ZNF705G: variants seen among roughly 807,000 people sequenced by gnomAD.
ZNF705G encodes zinc finger protein 705G.
Under a neutral mutation model 19.6 loss-of-function variants are expected in ZNF705G, and 23 were observed. The ratio of observed to expected loss-of-function variants is 1.17; its 90% confidence interval spans 0.84 to 1.66. The LOEUF (loss-of-function observed/expected upper bound fraction) is 1.66, where lower values mean the gene tolerates loss of function less well. ZNF705G is among the 40% of genes most tolerant of loss of function. ZNF705G has a pLI of 0.00. For synonymous variants in ZNF705G, 146 were observed against 117.7 expected (o/e 1.24, Z -1.56); for missense variants, 457 against 354.4 (o/e 1.29, Z -2.32).
intron 2 of ZNF705G, among the ~76,000 whole-genome samples, chr8:7,368,007 G>A (rs1806937881): frequency 6.7e-6 from 1 of 149,634 alleles, no homozygotes. Context: ...CCACAAGCAA[G>A]CAGCAAGACT....
Position 7,369,973 on chromosome 8 carries a change from T to TCCAAG in ZNF705G, c.-71-6957_-71-6956insCTTGG, listed in dbSNP as rs755705260. Among the ~76,000 whole-genome samples the TCCAAG allele has an allele frequency of 5.7e-4, 85 of 149,312 alleles. 4 individuals carry two copies. The highest frequency in any genetic ancestry group is 2.7e-3 in the East Asian group (14 of 5,168). ...ATCTGGGTTACAAGATCATTCATACTCCTCAGCATCACACAATGTGCCAGT... is the reference window on the plus strand; with the variant it reads ...ATCTGGGTTACAAGATCATTCATACTCCAAGCCTCAGCATCACACAATGTGCCAGT... On this transcript the variant is annotated intron_variant, in intron 2 of 6. Coordinates refer to ENST00000400156, the MANE Select transcript of ZNF705G (RefSeq NM_001164457.3).
At chr8:7,364,936 C>A (rs1806789555) in intron 2 of ZNF705G, among the ~76,000 whole-genome samples, 3 of 149,518 alleles carry the variant, frequency 2.0e-5, no homozygotes, top group Admixed American at 2.0e-4. Context: ...AGCTGTAACC[C>A]TTAATATTAT....
chr8:7,368,633 T>A (rs1400870869), intron 2 of ZNF705G, among the ~76,000 whole-genome samples: 1 of 149,816 alleles, frequency 6.7e-6, no homozygotes, highest in Admixed American at 6.6e-5. Context: ...AAGCAGATGC[T>A]AATAGAAGAA....
chr8:7,383,705 C>T lies in ZNF705G; in HGVS notation c.-222+1793G>A, dbSNP rs1294204216. Among the ~76,000 whole-genome samples the T allele has an allele frequency of 4.0e-5, 6 of 149,442 alleles. 1 individual carries two copies. The highest frequency in any genetic ancestry group is 2.1e-4 in the South Asian group (1 of 4,778). On this transcript the variant is annotated intron_variant, in intron 1 of 6. Transcript: ENST00000400156. The stretch of plus-strand genomic sequence containing the variant: ...AGCTGAAGCCCTTGTGATGGGATTG[C>T]TGCCCTTATAAAAGAGGCCTGAAGG...
chr8:7,366,620 A>T (rs1443859171), intron 2 of ZNF705G, among the ~76,000 whole-genome samples: 1 of 149,758 alleles, frequency 6.7e-6, no homozygotes, highest in African/African-American at 2.6e-5. Context: ...CCAATACAAT[A>T]AAGCTAAAAC....
chr8:7,358,903 T>G (rs1437981699), intron 6 of ZNF705G, among the ~76,000 whole-genome samples: 1 of 149,410 alleles, frequency 6.7e-6, no homozygotes, highest in Admixed American at 6.6e-5. Context: ...ACTGATAACT[T>G]TTCTTTACAA....
Position 7,364,274 on chromosome 8 carries a change from T to C in ZNF705G, c.-71-1257A>G, listed in dbSNP as rs535164298. The stretch of plus-strand genomic sequence containing the variant: ...GCATGTATTATTTCCCTGCTAAAAA[T>C]ATAAAAATAATTAAATATATTTTAT... On this transcript the variant is annotated intron_variant, in intron 2 of 6. Transcript: ENST00000400156. 6.8e-4 allele frequency among the ~76,000 whole-genome samples: 102 copies of C among 149,742 alleles called. 10 individuals are homozygous for C. The highest frequency in any genetic ancestry group is 2.0e-3 in the African/African-American group (77 of 39,200).
In ZNF705G at chr8:7,357,942, C is replaced by T; in HGVS notation, c.*34G>A. ...AAGGCTTTCCCACATAAATGGCATT[C>T]ATATGGCTTTTCTCCAGTGCGTGTT... On this transcript the variant is annotated 3_prime_UTR_variant, in exon 7 of 7. Coordinates refer to ENST00000400156, the MANE Select transcript of ZNF705G (RefSeq NM_001164457.3). 1.2e-6 allele frequency: 2 copies of T among 1,607,238 alleles called. No individual in the cohort carries two copies. The highest frequency in any genetic ancestry group is 1.1e-5 in the South Asian group (1 of 90,312).
chr8:7,357,191 A>T lies in ZNF705G; in HGVS notation c.*785T>A, dbSNP rs1250164839. On this transcript the variant is annotated 3_prime_UTR_variant, in exon 7 of 7. Transcript: ENST00000400156. ...CAGTGAGAAATCTCACATGTGCCAC[A>T]TGTGTTGCTCTATGAAGAAAGGATT... 3 of 150,774 alleles carry T rather than the reference A, an allele frequency of 2.0e-5. No individual in the cohort carries two copies. Among genetic ancestry groups the T allele is most frequent in the Non-Finnish European group, 4.4e-5 (3 of 68,204 alleles). 9.3% of individuals were successfully genotyped at this position (150,774 alleles called of 1,614,324 possible).
intron 6 of ZNF705G, 82 bp downstream of exon 6, chr8:7,359,537 A>C: frequency 6.3e-7 from 1 of 1,583,852 alleles, no homozygotes; most frequent in Non-Finnish European, 8.5e-7. Flanking sequence ...AATTACACTC[A>C]GGTGATTGTG....
chr8:7,382,021 G>A (rs1393481457), intron 1 of ZNF705G, among the ~76,000 whole-genome samples: 1 of 152,192 alleles, frequency 6.6e-6, no homozygotes, highest in Non-Finnish European at 1.5e-5. Flanking sequence ...ATTTCTACAT[G>A]TATGTGGCTA....
intron 6 of ZNF705G, among the ~76,000 whole-genome samples, chr8:7,358,868 T>A (rs1310528864): frequency 6.7e-6 from 1 of 149,450 alleles, no homozygotes; most frequent in Non-Finnish European, 1.5e-5. Context: ...TCATGAGCTG[T>A]TAAAATTGCA....
intron 2 of ZNF705G, among the ~76,000 whole-genome samples, chr8:7,365,534 G>C (rs1806817247): frequency 6.7e-6 from 1 of 149,014 alleles, no homozygotes; most frequent in African/African-American, 2.6e-5. Context: ...TTGCGCCATC[G>C]TGCTCGGCTA....
In ZNF705G at chr8:7,379,987, G is replaced by C. The variant is rs1457579561; in HGVS notation, c.-72+1465C>G. Among the ~76,000 whole-genome samples, 2 of 141,400 alleles carry C rather than the reference G, an allele frequency of 1.4e-5. 1 individual carries two copies. The highest frequency in any genetic ancestry group is 6.2e-5 in the African/African-American group (2 of 32,258). 92.8% of individuals were successfully genotyped at this position (141,400 alleles called of 152,430 possible). ...TCATGTCCATCCAGAGTCCTGCAGA[G>C]TCACAATACCAGCTGAACTCACCAG... is the stretch of plus-strand genomic sequence containing the variant. On this transcript the variant is annotated intron_variant, in intron 2 of 6. Transcript: ENST00000400156.
In ZNF705G at chr8:7,366,829, A is replaced by G. The variant is rs184161528; in HGVS notation, c.-71-3812T>C. Reference sequence around the variant, plus strand: ...AAATAAGTGGTAGCCAACATGCCCAACACGATTTTCTGTGATGAAAGAAAT... The same window carrying G: ...AAATAAGTGGTAGCCAACATGCCCAGCACGATTTTCTGTGATGAAAGAAAT... On this transcript the variant is annotated intron_variant, in intron 2 of 6. Transcript: ENST00000400156. Among the ~76,000 whole-genome samples the G allele has an allele frequency of 1.3e-3, 201 of 149,676 alleles. 24 individuals carry two copies. Among genetic ancestry groups the G allele is most frequent in the African/African-American group, 4.9e-3 (191 of 39,056 alleles).
At chr8:7,366,626 A>G (rs1806869631) in intron 2 of ZNF705G, among the ~76,000 whole-genome samples, 1 of 149,734 alleles carries the variant, frequency 6.7e-6, no homozygotes, top group Admixed American at 6.6e-5. Flanking sequence ...CAATAAAGCT[A>G]AAACAATATC....
In ZNF705G at chr8:7,364,136, A is replaced by T. The variant is rs564349756; in HGVS notation, c.-71-1119T>A. On this transcript the variant is annotated intron_variant, in intron 2 of 6. Coordinates refer to ENST00000400156, the MANE Select transcript of ZNF705G (RefSeq NM_001164457.3). ...AGTTGCAATATCTCTGATTATCATG[A>T]TACATATTTGCTGAGAAATACCGAT... Among the ~76,000 whole-genome samples the T allele has an allele frequency of 2.7e-5, 4 of 149,722 alleles. No individual in the cohort carries two copies. In the East Asian group the frequency reaches 7.7e-4, roughly 29 times the overall value.
intron 2 of ZNF705G, among the ~76,000 whole-genome samples, chr8:7,364,205 C>T (rs1441799260): frequency 6.7e-6 from 1 of 149,484 alleles, no homozygotes; most frequent in Admixed American, 6.6e-5. Context: ...TATATAGGTG[C>T]ATATGTTTAT....
At chr8:7,362,083 T>A (rs1175783678) in intron 3 of ZNF705G, among the ~76,000 whole-genome samples, 1 of 149,578 alleles carries the variant, frequency 6.7e-6, no homozygotes. Context: ...TCTTTTAAAT[T>A]TACCTTCTCA....
Sources: allele counts gnomAD v4.1 joint callset (sites outside exome capture counted in the v4.1 genomes callset), GRCh38; gene constraint gnomAD v4.1.1; transcripts MANE v1.5; gene names NCBI Gene and HGNC (gene_info 2026-07-23, HGNC 2026-07-21).